The following CKMT2 variants were observed in gnomAD, a reference collection of about 807,000 sequenced individuals.
The protein encoded by CKMT2 is creatine kinase S-type, mitochondrial.
A neutral mutation model predicts 48.9 loss-of-function variants in CKMT2; 43 were observed. The observed-to-expected ratio is 0.88, with a 90% CI of 0.69 to 1.13. The LOEUF (loss-of-function observed/expected upper bound fraction) is 1.13, where lower values mean the gene tolerates loss of function less well. Ranked by LOEUF, CKMT2 falls within the 50% of genes most tolerant of loss-of-function variation. The probability of loss-of-function intolerance (pLI) is 0.00; values close to 1 mark genes in which losing one functional copy is unlikely to be tolerated. For synonymous variants in CKMT2, 206 were observed against 213.0 expected (o/e 0.97, Z 0.29); for missense variants, 472 against 555.4 (o/e 0.85, Z 1.51).
rs1478762194 is a variant in CKMT2, at chr5:81,254,508, C to G, written c.447+17C>G. On this transcript the variant is annotated intron_variant, in intron 4 of 9. Transcript: ENST00000254035. ...GCATCAAAGGTAGGCTCCAGCCTCC[C>G]TCTCCTTCCCCACGAAGCTGGCACT... The G allele has an allele frequency of 9.9e-6, 16 of 1,609,220 alleles. No homozygotes were observed. The East Asian group carries it at 3.3e-4, about 34-fold the overall frequency.
chr5:81,246,042 G>GTC, intron 1 of CKMT2, among the ~76,000 whole-genome samples: 1 of 151,878 alleles, frequency 6.6e-6, no homozygotes, highest in African/African-American at 2.4e-5. Flanking sequence ...ACTCACCTGG[G>GTC]TCTCAGCACC....
intron 1 of CKMT2, among the ~76,000 whole-genome samples, chr5:81,248,760 CCT>C (rs1756697945): frequency 6.6e-6 from 1 of 152,204 alleles, no homozygotes; most frequent in Non-Finnish European, 1.5e-5. Flanking sequence ...TATCCTGTAA[CCT>C]ATATCCTGTA....
intron 3 of CKMT2, among the ~76,000 whole-genome samples, chr5:81,254,181 AGAT>A (rs1756916757): frequency 1.3e-5 from 2 of 152,204 alleles, no homozygotes; most frequent in African/African-American, 2.4e-5. Context: ...TCAAGGGGCA[AGAT>A]GCCTTCAAAA....
intron 1 of CKMT2, among the ~76,000 whole-genome samples, chr5:81,236,958 C>T (rs1016639565): frequency 9.9e-5 from 15 of 152,050 alleles, no homozygotes; most frequent in Admixed American, 5.2e-4. Flanking sequence ...GAGACCAGCC[C>T]GGCCAACATG....
intron 1 of CKMT2, among the ~76,000 whole-genome samples, chr5:81,248,501 G>GGC (rs1756686264): frequency 1.3e-5 from 2 of 152,200 alleles, no homozygotes; most frequent in Non-Finnish European, 2.9e-5. Context: ...AGGAAGCACT[G>GGC]GTGCAGCTCA....
chr5:81,263,643 T>G, intron 9 of CKMT2, 27 bp downstream of exon 9: 1 of 1,584,216 alleles, frequency 6.3e-7, no homozygotes, highest in Non-Finnish European at 8.6e-7. Flanking sequence ...TTTCCTAACA[T>G]GAACTAACAA....
chr5:81,257,654 A>AGCTAGGGAGGTAATGGGAATTT, intron 6 of CKMT2, 79 bp from the exon 7 acceptor site: 3 of 1,331,760 alleles, frequency 2.3e-6, no homozygotes, highest in Non-Finnish European at 3.1e-6. Context: ...GAAGCAATCA[A>AGCTAGGGAGGTAATGGGAATTT]GCTAGGGAGG....
At chr5:81,239,285 G>C (rs911192368) in intron 1 of CKMT2, 3 of 152,238 alleles carry the variant, frequency 2.0e-5, no homozygotes, top group African/African-American at 7.2e-5. Flanking sequence ...ATTATCTTCC[G>C]TAGAGTCCCT....
intron 5 of CKMT2, among the ~76,000 whole-genome samples, chr5:81,255,821 TAA>T (rs34825989): frequency 3.6e-5 from 5 of 140,720 alleles, no homozygotes; most frequent in African/African-American, 7.8e-5. Flanking sequence ...TTTAAACTCT[TAA>T]AAAAAAAAAA....
At chr5:81,254,822 A>C in intron 4 of CKMT2, 171 bp from the exon 5 acceptor site, 1 of 639,316 alleles carries the variant, frequency 1.6e-6, no homozygotes, top group Non-Finnish European at 2.8e-6. Context: ...TTACTAGTCG[A>C]AGGTCCGTGC....
At chr5:81,251,699 A>G (rs148672509) in intron 2 of CKMT2, among the ~76,000 whole-genome samples, 2 of 152,330 alleles carry the variant, frequency 1.3e-5, no homozygotes, top group Non-Finnish European at 2.9e-5. Flanking sequence ...GCCTTTGAGG[A>G]TGACTAAGTA....
At chr5:81,263,163 TG>T (rs1403483038) in intron 8 of CKMT2, among the ~76,000 whole-genome samples, 13 of 79,340 alleles carry the variant, frequency 1.6e-4, no homozygotes, top group Non-Finnish European at 4.8e-5. Flanking sequence ...CATCACACAC[TG>T]GGGCCAGTTG....
chr5:81,239,180 C>G, intron 1 of CKMT2: 1 of 152,188 alleles, frequency 6.6e-6, no homozygotes, highest in South Asian at 2.1e-4. Context: ...TGTCTTGAAC[C>G]GTGGGTTTCC....
intron 5 of CKMT2, 94 bp from the exon 6 acceptor site, chr5:81,256,821 A>C: frequency 1.2e-6 from 1 of 830,776 alleles, no homozygotes; most frequent in South Asian, 1.7e-5. Context: ...GACAGCAGCC[A>C]TGATAAGTGG....
At chr5:81,263,424 A>G in intron 8 of CKMT2, 67 bp from the exon 9 acceptor site, 4 of 1,255,724 alleles carry the variant, frequency 3.2e-6, no homozygotes, top group Non-Finnish European at 4.3e-6. Context: ...TTTTGTCAGT[A>G]AACGCACCAA....
intron 1 of CKMT2, among the ~76,000 whole-genome samples, chr5:81,235,169 G>T (rs952250810): frequency 2.0e-5 from 3 of 152,208 alleles, no homozygotes; most frequent in African/African-American, 7.2e-5. Flanking sequence ...CCTAGGAAAG[G>T]CCTCTGTTTT....
At chr5:81,235,063 A>G (rs1002490909) in intron 1 of CKMT2, among the ~76,000 whole-genome samples, 2 of 152,110 alleles carry the variant, frequency 1.3e-5, no homozygotes, top group Non-Finnish European at 2.9e-5. Flanking sequence ...CAGCACTTCA[A>G]AGGACTAGAT....
Position 81,252,828 on chromosome 5 carries a change from G to A in CKMT2, c.286G>A (p.Asp96Asn). 2 of 1,614,228 alleles carry A rather than the reference G, an allele frequency of 1.2e-6. No individual in the cohort carries two copies. The highest frequency in any genetic ancestry group is 2.2e-5 in the East Asian group (1 of 44,888). The change falls in exon 3 of 10, where the codon GAC (aspartate) becomes AAC (asparagine). Residue 96 changes from aspartate (D) to asparagine (N), a missense_variant. Physicochemically the swap from Asp to Asn is conservative, Grantham distance 23. Transcript: ENST00000254035. ...GGACCAGTGCATCCAGACTGGAGTG[G>A]ACAACCCTGGCCACCCCTTCATAAA... ...TLDQCIQTGV[D>N]NPGHPFIKTV...
intron 5 of CKMT2, among the ~76,000 whole-genome samples, chr5:81,256,043 T>C (rs897505714): frequency 6.6e-6 from 1 of 152,128 alleles, no homozygotes; most frequent in African/African-American, 2.4e-5. Context: ...GTCTCTGATC[T>C]CTCCCACTTA....
Sources: gnomAD v4.1 joint callset for allele counts (sites outside exome capture counted in the v4.1 genomes callset) on GRCh38, gnomAD v4.1.1 for gene constraint, MANE v1.5 for transcripts, NCBI Gene and HGNC (gene_info 2026-07-23, HGNC 2026-07-21) for gene names.